Variants in BICRA observed in about 807,000 individuals in gnomAD.
BICRA encodes the protein BRD4 interacting chromatin remodeling complex associated protein, also known as BRD4-interacting chromatin-remodeling complex-associated protein.
A neutral mutation model predicts 96.9 loss-of-function variants in BICRA; 31 were observed. The observed-to-expected ratio is 0.32, with a 90% CI of 0.24 to 0.43. The LOEUF is 0.43. BICRA is among the 20% of genes least tolerant of loss of function. The pLI is 1.00. For synonymous variants in BICRA, 1,350 were observed against 1,071.8 expected, an observed-to-expected ratio of 1.26 and a Z score of -5.07; for missense variants, 2,283 against 2,190.3, an observed-to-expected ratio of 1.04 and a Z score of -0.84.
intron 7 of BICRA, among the ~76,000 whole-genome samples, chr19:47,683,276 G>GC (rs896926087): frequency 4.7e-5 from 7 of 149,928 alleles, no homozygotes; most frequent in Non-Finnish European, 7.4e-5. Flanking sequence ...TTTTTCCCCC[G>GC]CCCCCCGCAA....
intron 1 of BICRA, among the ~76,000 whole-genome samples, chr19:47,620,055 G>A (rs997561394): frequency 2.2e-4 from 33 of 152,320 alleles, no homozygotes; most frequent in African/African-American, 7.9e-4. Flanking sequence ...GCCCCGTGGA[G>A]TCCGTTGGGT....
chr19:47,653,897 A>G (rs540186561), intron 1 of BICRA, among the ~76,000 whole-genome samples: 122 of 152,250 alleles, frequency 8.0e-4, no homozygotes, highest in African/African-American at 2.8e-3. Context: ...CAGTGGCGCA[A>G]TCTCAGCTCA....
chr19:47,653,927 G>C (rs1972576825), intron 1 of BICRA, among the ~76,000 whole-genome samples: 2 of 152,088 alleles, frequency 1.3e-5, no homozygotes, highest in African/African-American at 4.8e-5. Context: ...GTGCCTCCCA[G>C]GTTCAAGTGA....
At chr19:47,631,070 G>GT (rs905540517) in intron 1 of BICRA, among the ~76,000 whole-genome samples, 2 of 151,778 alleles carry the variant, frequency 1.3e-5, no homozygotes, top group Non-Finnish European at 2.9e-5. Flanking sequence ...TGTTTTTGGG[G>GT]TTTTTTTTGA....
chr19:47,661,299 G>A (rs931878355), intron 1 of BICRA, among the ~76,000 whole-genome samples: 4 of 151,616 alleles, frequency 2.6e-5, no homozygotes, highest in African/African-American at 7.3e-5. Flanking sequence ...AGAGGTGGCC[G>A]TAGCCAAGGG....
rs1317348378 is a variant in BICRA, at chr19:47,643,489, T to C, written c.-107-26954T>C. 1.3e-5 allele frequency among the ~76,000 whole-genome samples: 2 copies of C among 152,172 alleles called. 1 individual carries two copies. Among genetic ancestry groups the C allele is most frequent in the Non-Finnish European group, 2.9e-5 (2 of 68,022 alleles). The stretch of plus-strand genomic sequence containing the variant: ...TGGCAGCATCCCTGGCATCCAGCCA[T>C]GACCATCCCTTCTCACGGCGGGGCT... On this transcript the variant is annotated intron_variant, in intron 1 of 14. Coordinates refer to ENST00000594866, the MANE Select transcript of BICRA (RefSeq NM_001394372.1).
intron 1 of BICRA, among the ~76,000 whole-genome samples, chr19:47,659,459 G>A (rs535248104): frequency 5.9e-5 from 9 of 152,260 alleles, no homozygotes; most frequent in African/African-American, 2.2e-4. Context: ...CTCTTACGGG[G>A]CTTTTTCATG....
At chr19:47,625,404 C>T (rs187604254) in intron 1 of BICRA, among the ~76,000 whole-genome samples, 11 of 151,590 alleles carry the variant, frequency 7.3e-5, no homozygotes, top group Admixed American at 3.3e-4. Context: ...GGCCACATCT[C>T]GCAGGTCTCT....
intron 1 of BICRA, among the ~76,000 whole-genome samples, chr19:47,650,017 T>C (rs1972518434): frequency 1.3e-5 from 2 of 152,068 alleles, no homozygotes; most frequent in African/African-American, 4.8e-5. Flanking sequence ...AGTGGCACAA[T>C]ATCAGCTCAC....
chr19:47,694,800 C>G, intron 8 of BICRA, 74 bp downstream of exon 8: 1 of 1,130,780 alleles, frequency 8.8e-7, no homozygotes, highest in South Asian at 1.5e-5. Flanking sequence ...GGGAGCCCCT[C>G]CGCCTTACGG....
intron 1 of BICRA, among the ~76,000 whole-genome samples, chr19:47,617,588 T>G (rs757772166): frequency 4.7e-4 from 71 of 152,108 alleles, no homozygotes; most frequent in South Asian, 6.2e-4. Context: ...GGTCTCGAAC[T>G]CCTGAACTCA....
intron 7 of BICRA, among the ~76,000 whole-genome samples, chr19:47,692,155 C>G (rs1973250474): frequency 6.6e-6 from 1 of 152,128 alleles, no homozygotes; most frequent in Non-Finnish European, 1.5e-5. Flanking sequence ...TGCCATTGGC[C>G]ATTTGAGTCA....
intron 1 of BICRA, among the ~76,000 whole-genome samples, chr19:47,620,314 A>G (rs956033334): frequency 2.0e-5 from 3 of 152,062 alleles, no homozygotes; most frequent in African/African-American, 7.2e-5. Flanking sequence ...GGCATGTCCC[A>G]GGGATGGAGA....
At position 47,652,849 on chromosome 19, in the gene BICRA, G is replaced by A. The variant is rs74749367; in HGVS notation, c.-107-17594G>A. ...GTTTAGTGTCATATACACCCTTCCT[G>A]AAGTTCTTTAGGCATTGAAAAGCAT... On this transcript the variant is annotated intron_variant, in intron 1 of 14. Transcript: ENST00000594866. Among the ~76,000 whole-genome samples the A allele has an allele frequency of 5.8e-3, 883 of 152,080 alleles. 12 individuals are homozygous for A. Among genetic ancestry groups the A allele is most frequent in the Non-Finnish European group, 6.0e-3 (407 of 68,018 alleles).
Position 47,610,013 on chromosome 19 carries a change from C to T in BICRA, c.-108+845C>T, listed in dbSNP as rs1479943198. ...GTCACTTCCCGAGGTTCGGGGCGGC[C>T]CCCCATCTCCTACCCCTCGGCCTGG... On this transcript the variant is annotated intron_variant, in intron 1 of 14. Transcript: ENST00000594866. Among the ~76,000 whole-genome samples, 5 of 150,434 alleles carry T rather than the reference C, an allele frequency of 3.3e-5. 1 individual carries two copies. The East Asian group carries it at 9.7e-4, about 29-fold the overall frequency.
chr19:47,613,838 A>C (rs187393840), intron 1 of BICRA, among the ~76,000 whole-genome samples: 1 of 152,210 alleles, frequency 6.6e-6, no homozygotes, highest in Non-Finnish European at 1.5e-5. Flanking sequence ...GTGACACGCA[A>C]GTTTCCCCAG....
In BICRA at chr19:47,681,253, T is replaced by G. The variant is rs773635347; in HGVS notation, c.2083T>G (p.Ser695Ala). The G allele has an allele frequency of 1.2e-5, 18 of 1,539,198 alleles. No individual in the cohort carries two copies. The East Asian group carries it at 4.3e-4, about 37-fold the overall frequency. Residue 695 changes from serine to alanine, a missense_variant, in exon 6 of 15, where the codon TCC becomes GCC. Coordinates refer to ENST00000594866, the MANE Select transcript of BICRA (RefSeq NM_001394372.1). The stretch of plus-strand genomic sequence containing the variant: ...CCCCACGGCCATCCTCACTCAGGAC[T>G]CCCTGCAGATGTTCCTGCCCCAGGT... ...ATPTAILTQD[S>A]LQMFLPQERS...
intron 1 of BICRA, among the ~76,000 whole-genome samples, chr19:47,629,856 C>T (rs931191829): frequency 1.1e-4 from 17 of 152,160 alleles, no homozygotes; most frequent in African/African-American, 3.9e-4. Flanking sequence ...TGGGGTTTCG[C>T]CATGTTGGCC....
chr19:47,627,770 T>C (rs983145845), intron 1 of BICRA, among the ~76,000 whole-genome samples: 3 of 152,112 alleles, frequency 2.0e-5, no homozygotes, highest in Non-Finnish European at 2.9e-5. Context: ...TTGTTTGTTT[T>C]GTTTTGTTTT....
Sources: allele counts gnomAD v4.1 joint callset (sites outside exome capture counted in the v4.1 genomes callset), GRCh38; gene constraint gnomAD v4.1.1; transcripts MANE v1.5; gene names NCBI Gene and HGNC (gene_info 2026-07-23, HGNC 2026-07-21).